Variants in INTS4 observed in about 807,000 individuals in gnomAD.
INTS4 encodes integrator complex subunit 4.
Under a neutral mutation model 119.5 loss-of-function variants are expected in INTS4, and 70 were observed. The observed-to-expected ratio is 0.59, with a 90% CI of 0.48 to 0.71. The LOEUF (loss-of-function observed/expected upper bound fraction) is 0.71. Among genes scored for constraint, INTS4 ranks in the 30% least tolerant of loss-of-function variants. The pLI is 0.00. For missense variants in INTS4, 867 were observed against 1,173.2 expected (o/e 0.74, Z 3.81); for synonymous variants, 316 against 419.6 (o/e 0.75, Z 3.02).
At chr11:77,913,304 T>G (rs61900182) in intron 15 of INTS4, among the ~76,000 whole-genome samples, 1 of 147,760 alleles carries the variant, frequency 6.8e-6, no homozygotes, top group South Asian at 2.1e-4. Context: ...CCAGTTAGTT[T>G]AAATTTTTTT....
At chr11:77,913,433 T>C (rs2136464597) in intron 15 of INTS4, among the ~76,000 whole-genome samples, 1 of 150,100 alleles carries the variant, frequency 6.7e-6, no homozygotes, top group African/African-American at 2.4e-5. Flanking sequence ...TGCCTCAGCC[T>C]CCCGAGTAGC....
At chr11:77,915,841 TCA>T (rs1283834285) in intron 15 of INTS4, among the ~76,000 whole-genome samples, 1 of 152,234 alleles carries the variant, frequency 6.6e-6, no homozygotes, top group Non-Finnish European at 1.5e-5. Context: ...TGATTTATTA[TCA>T]GTCAATCAAA....
At chr11:77,979,843 T>G (rs1856127249) in intron 3 of INTS4, among the ~76,000 whole-genome samples, 1 of 151,640 alleles carries the variant, frequency 6.6e-6, no homozygotes, top group African/African-American at 2.4e-5. Flanking sequence ...CCAGGCATGG[T>G]GGCACGTGCC....
chr11:77,978,135 GC>G (rs1028689396), intron 4 of INTS4: 1 of 151,922 alleles, frequency 6.6e-6, no homozygotes, highest in African/African-American at 2.4e-5. Flanking sequence ...CAAATGATCC[GC>G]CCACCTCTGC....
chr11:77,947,913 G>A (rs1020332521), intron 8 of INTS4, among the ~76,000 whole-genome samples: 10 of 152,056 alleles, frequency 6.6e-5, no homozygotes, highest in African/African-American at 1.4e-4. Context: ...GCCTGATCAC[G>A]GCTCACTGCA....
chr11:77,941,418 C>G (rs1386495390), intron 8 of INTS4, among the ~76,000 whole-genome samples, 167 bp from the exon 9 acceptor site: 1 of 150,282 alleles, frequency 6.7e-6, no homozygotes, highest in African/African-American at 2.4e-5. Flanking sequence ...TTAGCAGCAG[C>G]TAACACCTAA....
intron 15 of INTS4, among the ~76,000 whole-genome samples, chr11:77,916,460 A>G (rs1317009301): frequency 6.6e-6 from 1 of 152,222 alleles, no homozygotes; most frequent in Admixed American, 6.5e-5. Context: ...ATATCTGTAT[A>G]TCTAAACATC....
In INTS4 at chr11:77,979,058, T is replaced by C. The variant is rs1410122615; in HGVS notation, c.409A>G (p.Ile137Val). The C allele has an allele frequency of 3.7e-5, 59 of 1,613,140 alleles. No individual in the cohort carries two copies. Among genetic ancestry groups the C allele is most frequent in the Non-Finnish European group, 4.8e-5 (57 of 1,179,408 alleles). Residue 137 changes from isoleucine to valine, a missense_variant, in exon 4 of 23, where the codon ATT becomes GTT. By Grantham distance (29) the Ile-to-Val change is conservative. This residue lies in a region of INTS4 where 224 missense variants were observed against 231.8 expected (regional missense o/e 0.97). Coordinates refer to ENST00000534064, the MANE Select transcript of INTS4 (RefSeq NM_033547.4). ...LAQLLDTLLA[I>V]GTKLPENQAI... The stretch of plus-strand genomic sequence containing the variant: ...TGATTCTCTGGTAGCTTAGTGCCAA[T>C]TGCAAGCAAAGTATCCAGCAGTTGA...
At chr11:77,875,297 G>T (rs1055849690), downstream of INTS4, among the ~76,000 whole-genome samples, 3 of 152,222 alleles carry the variant, frequency 2.0e-5, no homozygotes, top group Admixed American at 2.0e-4. Flanking sequence ...GTACAGATCA[G>T]TTGGAAGAAA....
At chr11:77,925,927 A>G (rs528029430) in intron 11 of INTS4, among the ~76,000 whole-genome samples, 11 of 152,348 alleles carry the variant, frequency 7.2e-5, no homozygotes, top group African/African-American at 2.6e-4. Context: ...CAACTTGAAC[A>G]TCATCTCCTC....
At chr11:77,967,773 C>G (rs1299593782) in intron 4 of INTS4, among the ~76,000 whole-genome samples, 1 of 152,088 alleles carries the variant, frequency 6.6e-6, no homozygotes, top group Non-Finnish European at 1.5e-5. Context: ...AATAAATGCC[C>G]TACACTCTTC....
intron 21 of INTS4, among the ~76,000 whole-genome samples, chr11:77,884,407 A>G (rs1028739255): frequency 2.6e-5 from 4 of 152,068 alleles, no homozygotes; most frequent in African/African-American, 9.7e-5. Context: ...CTACGGAGAG[A>G]CGGCTCAATG....
At chr11:77,967,971 T>A (rs1736096373) in intron 4 of INTS4, among the ~76,000 whole-genome samples, 1 of 152,168 alleles carries the variant, frequency 6.6e-6, no homozygotes, top group Admixed American at 6.5e-5. Flanking sequence ...AAACCTAGAT[T>A]GTAAAGCCTA....
chr11:77,924,222 C>T (rs1203128586), intron 12 of INTS4, among the ~76,000 whole-genome samples: 1 of 143,504 alleles, frequency 7.0e-6, no homozygotes, highest in African/African-American at 2.6e-5. Context: ...TGGTAAAACC[C>T]CATCTCTACT....
At chr11:77,911,020 A>C (rs1591045334) in intron 15 of INTS4, 1 of 1,289,072 alleles carries the variant, frequency 7.8e-7, no homozygotes, top group Non-Finnish European at 1.0e-6. Context: ...CCGGCATAAC[A>C]CATCAGGTTT....
intron 4 of INTS4, among the ~76,000 whole-genome samples, chr11:77,961,409 T>C (rs1484284083): frequency 6.6e-6 from 1 of 152,192 alleles, no homozygotes; most frequent in African/African-American, 2.4e-5. Context: ...CTTTGCCTTG[T>C]ACAGAGTAGG....
intron 4 of INTS4, among the ~76,000 whole-genome samples, chr11:77,971,942 T>C (rs929715963): frequency 2.0e-5 from 3 of 152,240 alleles, no homozygotes; most frequent in Non-Finnish European, 2.9e-5. Flanking sequence ...AATTTTTGCA[T>C]GGTGTGAGGT....
At chr11:77,932,334 C>T (rs1416521930) in intron 10 of INTS4, among the ~76,000 whole-genome samples, 12 of 152,100 alleles carry the variant, frequency 7.9e-5, no homozygotes, top group Admixed American at 3.9e-4. Context: ...GACATTTATG[C>T]GACCAACAAA....
intron 4 of INTS4, among the ~76,000 whole-genome samples, chr11:77,966,885 C>T (rs1338012679): frequency 6.6e-6 from 1 of 152,094 alleles, no homozygotes; most frequent in African/African-American, 2.4e-5. Flanking sequence ...GACGTTTTAA[C>T]ATATTAATTC....
Sources: gnomAD v4.1 joint callset for allele counts (sites outside exome capture counted in the v4.1 genomes callset) on GRCh38, gnomAD v4.1.1 for gene constraint, gnomAD v4.1.1 regional missense constraint, MANE v1.5 for transcripts, NCBI Gene and HGNC (gene_info 2026-07-23, HGNC 2026-07-21) for gene names.